Variants in FHIT observed in about 807,000 individuals in gnomAD.
The protein encoded by FHIT is bis(5'-adenosyl)-triphosphatase.
In FHIT, 19 loss-of-function variants were observed where a neutral mutation model predicts 17.9. That is an observed-to-expected ratio of 1.06 (90% CI 0.74 to 1.56). The LOEUF (loss-of-function observed/expected upper bound fraction) is 1.56. Among genes scored for constraint, FHIT ranks in the 40% most tolerant of loss-of-function variants. The pLI is 0.00. For missense variants in FHIT, 248 were observed against 189.2 expected (o/e 1.31, Z -1.82); for synonymous variants, 81 against 69.7 (o/e 1.16, Z -0.81).
chr3:60,694,148 A>G (rs1475180456), intron 4 of FHIT, among the ~76,000 whole-genome samples: 2 of 152,218 alleles, frequency 1.3e-5, no homozygotes. Flanking sequence ...GGCAATATGA[A>G]CACCATAAAA....
chr3:60,114,488 C>CTTATTTTTTTTTTTTT (rs145618938), intron 5 of FHIT, among the ~76,000 whole-genome samples: 1 of 59,480 alleles, frequency 1.7e-5, no homozygotes, highest in Non-Finnish European at 2.9e-5. Context: ...CAAGAGAAAT[C>CTTATTTTTTTTTTTTT]CTTTTTTTTT....
chr3:59,865,554 G>A (rs1024232318), intron 8 of FHIT, among the ~76,000 whole-genome samples: 3 of 152,342 alleles, frequency 2.0e-5, no homozygotes, highest in Admixed American at 6.5e-5. Flanking sequence ...GGGATATAAC[G>A]AGGTGCCAAA....
intron 3 of FHIT, among the ~76,000 whole-genome samples, chr3:60,827,099 A>G (rs901350095): frequency 6.6e-6 from 1 of 152,188 alleles, no homozygotes; most frequent in African/African-American, 2.4e-5. Flanking sequence ...CAAGGAGGTC[A>G]TTCTTGAAAG....
At chr3:61,070,616 C>T (rs1474474500) in intron 2 of FHIT, among the ~76,000 whole-genome samples, 1 of 152,206 alleles carries the variant, frequency 6.6e-6, no homozygotes, top group African/African-American at 2.4e-5. Flanking sequence ...AGCTTCCTGC[C>T]TTCTGCTCCT....
chr3:60,121,082 A>T (rs1705224593), intron 5 of FHIT, among the ~76,000 whole-genome samples: 1 of 152,086 alleles, frequency 6.6e-6, no homozygotes, highest in African/African-American at 2.4e-5. Flanking sequence ...CATTTAAAAA[A>T]CTTTTTTTAA....
chr3:60,872,766 T>C (rs563620266), intron 3 of FHIT, among the ~76,000 whole-genome samples: 1 of 152,018 alleles, frequency 6.6e-6, no homozygotes, highest in Admixed American at 6.6e-5. Flanking sequence ...AAGTAATACA[T>C]CTCAGGAAAT....
chr3:60,694,352 A>C (rs2041065631), intron 4 of FHIT, among the ~76,000 whole-genome samples: 1 of 152,198 alleles, frequency 6.6e-6, no homozygotes, highest in South Asian at 2.1e-4. Flanking sequence ...TGCAAATTAA[A>C]ACCACAATGA....
intron 4 of FHIT, among the ~76,000 whole-genome samples, chr3:60,806,417 C>T (rs1401697396): frequency 1.3e-5 from 2 of 152,190 alleles, no homozygotes; most frequent in Non-Finnish European, 2.9e-5. Context: ...CTTTATGTAG[C>T]CCTGAAACTC....
intron 3 of FHIT, among the ~76,000 whole-genome samples, chr3:60,882,249 A>G (rs1553758102): frequency 6.6e-6 from 1 of 152,104 alleles, no homozygotes; most frequent in Admixed American, 6.6e-5. Context: ...ATGTTCTATC[A>G]AAGAAAAGCC....
chr3:60,096,138 C>T (rs191067143), intron 5 of FHIT, among the ~76,000 whole-genome samples: 134 of 152,304 alleles, frequency 8.8e-4, no homozygotes, highest in African/African-American at 2.8e-3. Flanking sequence ...CCACTTAGCC[C>T]GCTCAGGCCG....
intron 5 of FHIT, among the ~76,000 whole-genome samples, chr3:60,460,276 C>T (rs552149336): frequency 6.6e-6 from 1 of 152,184 alleles, no homozygotes; most frequent in South Asian, 2.1e-4. Flanking sequence ...AAATCATTGT[C>T]CAAGTGTCCT....
chr3:61,217,977 G>A (rs986694451), intron 1 of FHIT, among the ~76,000 whole-genome samples: 6 of 152,200 alleles, frequency 3.9e-5, no homozygotes, highest in Admixed American at 3.9e-4. Flanking sequence ...CACATCTGGA[G>A]TCAAAAGAGA....
chr3:59,853,423 G>T (rs572497625), intron 8 of FHIT, among the ~76,000 whole-genome samples: 8 of 152,132 alleles, frequency 5.3e-5, no homozygotes, highest in Non-Finnish European at 1.2e-4. Context: ...GGTACATCTT[G>T]TTTTCTCAGT....
At chr3:60,125,539 G>A (rs9856850) in intron 5 of FHIT, among the ~76,000 whole-genome samples, 66,988 of 150,870 alleles carry the variant, frequency 0.44, 15,207 homozygotes, top group African/African-American at 0.48. Context: ...GGCTGAGGCA[G>A]GAGCATCACT....
At chr3:60,491,646 T>C (rs983527996) in intron 5 of FHIT, among the ~76,000 whole-genome samples, 3 of 152,226 alleles carry the variant, frequency 2.0e-5, no homozygotes, top group Admixed American at 2.0e-4. Flanking sequence ...GTCAATTTAA[T>C]GAACATCTAC....
At chr3:61,088,881 C>T (rs72877857) in intron 2 of FHIT, among the ~76,000 whole-genome samples, 3 of 151,872 alleles carry the variant, frequency 2.0e-5, no homozygotes, top group African/African-American at 4.8e-5. Context: ...TGGAAAAAAC[C>T]GAAATAAGTA....
chr3:60,473,283 A>G (rs2033180693), intron 5 of FHIT, among the ~76,000 whole-genome samples: 1 of 152,220 alleles, frequency 6.6e-6, no homozygotes, highest in Non-Finnish European at 1.5e-5. Flanking sequence ...GAGTAATTAA[A>G]GCACTTAATT....
chr3:60,376,271 T>C (rs1220647020), intron 5 of FHIT, among the ~76,000 whole-genome samples: 3 of 152,246 alleles, frequency 2.0e-5, no homozygotes, highest in Non-Finnish European at 4.4e-5. Flanking sequence ...AAAGAGCTGC[T>C]GACTTACCAT....
intron 4 of FHIT, among the ~76,000 whole-genome samples, chr3:60,539,988 A>G (rs905608742): frequency 6.6e-6 from 1 of 151,172 alleles, no homozygotes; most frequent in Non-Finnish European, 1.5e-5. Flanking sequence ...ATTAAAATAA[A>G]AAAGAAGAAC....
Sources: gnomAD v4.1 joint callset for allele counts (sites outside exome capture counted in the v4.1 genomes callset) on GRCh38, gnomAD v4.1.1 for gene constraint, MANE v1.5 for transcripts, NCBI Gene and HGNC (gene_info 2026-07-23, HGNC 2026-07-21) for gene names.